Variants in SLC27A2 observed in about 807,000 individuals in gnomAD.
The protein encoded by SLC27A2 is solute carrier family 27 member 2.
In SLC27A2, 54 loss-of-function variants were observed where a neutral mutation model predicts 60.0. That is an observed-to-expected ratio of 0.90 (90% CI 0.72 to 1.13). The LOEUF is 1.13. Among genes scored for constraint, SLC27A2 ranks in the 50% most tolerant of loss-of-function variants. SLC27A2 has a pLI of 0.00. For missense variants in SLC27A2, 739 were observed against 777.6 expected (o/e 0.95, Z 0.59); for synonymous variants, 297 against 297.6 (o/e 1.00, Z 0.02).
chr15:50,194,475 G>T (rs1410109137), intron 1 of SLC27A2, among the ~76,000 whole-genome samples: 1 of 152,132 alleles, frequency 6.6e-6, no homozygotes, highest in Non-Finnish European at 1.5e-5. Flanking sequence ...AAGCACGCAG[G>T]AGTGGGACCG....
At chr15:50,195,576 CTTGT>C (rs770590877) in intron 1 of SLC27A2, among the ~76,000 whole-genome samples, 6 of 152,070 alleles carry the variant, frequency 3.9e-5, no homozygotes, top group Non-Finnish European at 8.8e-5. Context: ...TGGGTGAGGA[CTTGT>C]TTATTTTCAT....
intron 4 of SLC27A2, among the ~76,000 whole-genome samples, chr15:50,219,790 T>C (rs1011726194): frequency 6.6e-6 from 1 of 152,176 alleles, no homozygotes; most frequent in Non-Finnish European, 1.5e-5. Context: ...CCTTCATTCC[T>C]CTCTGGACAT....
intron 1 of SLC27A2, among the ~76,000 whole-genome samples, chr15:50,185,946 AACATTCTGAGGCTGGAC>A (rs1352071077): frequency 3.3e-5 from 5 of 151,860 alleles, no homozygotes; most frequent in African/African-American, 1.2e-4. Context: ...TACTTTTAAA[AACATTCTGAGGCTGGAC>A]ACTATGGCTC....
At chr15:50,204,548 A>C (rs1053006186) in intron 3 of SLC27A2, among the ~76,000 whole-genome samples, 5 of 151,938 alleles carry the variant, frequency 3.3e-5, no homozygotes, top group Non-Finnish European at 1.5e-5. Context: ...CCTGGCTAAC[A>C]CAGTGAAACC....
At chr15:50,208,009 A>C (rs61699649) in intron 4 of SLC27A2, among the ~76,000 whole-genome samples, 2,484 of 151,882 alleles carry the variant, frequency 0.016, 69 homozygotes, top group African/African-American at 0.058. Context: ...GGCCTGGATC[A>C]ATGTAATCAG....
At position 50,218,003 on chromosome 15, in the gene SLC27A2, G is replaced by A. The variant is rs565860147; in HGVS notation, c.973-4962G>A. ...CGGGAGGCAGAGGTTGCATCGAGCC[G>A]AGATTGCACCATTGCACTCCAGCCT... is the stretch of plus-strand genomic sequence containing the variant. On this transcript the variant is annotated intron_variant, in intron 4 of 9. Transcript: ENST00000267842. 8.1e-5 allele frequency among the ~76,000 whole-genome samples: 11 copies of A among 136,076 alleles called. No homozygotes were observed. The South Asian group carries it at 2.3e-3, about 28-fold the overall frequency. 89.3% of individuals were successfully genotyped at this position (136,076 alleles called of 152,430 possible).
At chr15:50,182,939 G>C (rs760842642) in intron 1 of SLC27A2, 34 bp downstream of exon 1, 3 of 1,560,950 alleles carry the variant, frequency 1.9e-6, no homozygotes, top group Non-Finnish European at 2.6e-6. Flanking sequence ...CCTGGCACCA[G>C]GGCTTCTCGG....
At position 50,209,000 on chromosome 15, in the gene SLC27A2, T is replaced by C. The variant is rs551184265; in HGVS notation, c.972+3637T>C. On this transcript the variant is annotated intron_variant, in intron 4 of 9. Coordinates refer to ENST00000267842, the MANE Select transcript of SLC27A2 (RefSeq NM_003645.4). ...CTCCAGTTACAGACTGAAGCTACAG[T>C]CTGTACTGGACAAGGCTCCAGTACA... is the stretch of plus-strand genomic sequence containing the variant. Among the ~76,000 whole-genome samples the C allele has an allele frequency of 3.4e-4, 52 of 152,266 alleles. 1 individual carries two copies. Among genetic ancestry groups the C allele is most frequent in the African/African-American group, 1.3e-3 (52 of 41,548 alleles).
intron 2 of SLC27A2, among the ~76,000 whole-genome samples, chr15:50,200,369 T>C (rs556899585): frequency 2.0e-5 from 3 of 152,012 alleles, no homozygotes; most frequent in Non-Finnish European, 4.4e-5. Context: ...TGGTGAGCCT[T>C]GAACACCACT....
intron 3 of SLC27A2, among the ~76,000 whole-genome samples, chr15:50,204,536 A>G (rs1364142792): frequency 6.6e-6 from 1 of 152,010 alleles, no homozygotes; most frequent in Non-Finnish European, 1.5e-5. Flanking sequence ...GATTGAGACC[A>G]TCCTGGCTAA....
At chr15:50,213,709 G>A (rs962421539) in intron 4 of SLC27A2, among the ~76,000 whole-genome samples, 1 of 152,102 alleles carries the variant, frequency 6.6e-6, no homozygotes, top group Non-Finnish European at 1.5e-5. Flanking sequence ...TCCTGAATGA[G>A]CATTGGGTCA....
chr15:50,182,938 A>G, intron 1 of SLC27A2, 33 bp downstream of exon 1: 3 of 1,562,628 alleles, frequency 1.9e-6, no homozygotes, highest in Non-Finnish European at 2.6e-6. Context: ...CCCTGGCACC[A>G]GGGCTTCTCG....
chr15:50,228,889 T>C (rs891809631), intron 7 of SLC27A2, 56 bp from the exon 8 acceptor site: 31 of 1,214,774 alleles, frequency 2.6e-5, no homozygotes, highest in Non-Finnish European at 3.6e-5. Context: ...TCTCCGACAT[T>C]GCAACCTGGG....
intron 1 of SLC27A2, among the ~76,000 whole-genome samples, chr15:50,183,780 C>G (rs1216817955): frequency 1.3e-5 from 2 of 152,064 alleles, no homozygotes; most frequent in Non-Finnish European, 2.9e-5. Context: ...GGCTGAAAGA[C>G]CTGGGTGACA....
In SLC27A2 at chr15:50,205,357, ACCACAGGTAACACTCCCCCCG is replaced by A. The variant is rs1210561883; in HGVS notation, c.967_972+15del. 1 of 1,603,592 alleles carries A rather than the reference ACCACAGGTAACACTCCCCCCG, an allele frequency of 6.2e-7. No individual in the cohort carries two copies. The highest frequency in any genetic ancestry group is 1.7e-5 in the Admixed American group (1 of 59,448). ...AACTGCTTCGGTATTTATGCAACTC[ACCACAGGTAACACTCCCCCCG>A]TTTTACTATCATTTTGAAATGGGTA... On this transcript the variant is annotated splice_donor_variant and splice_donor_5th_base_variant and coding_sequence_variant and intron_variant, in exon 4 of 10. Coordinates refer to ENST00000267842, the MANE Select transcript of SLC27A2 (RefSeq NM_003645.4). LOFTEE classifies it high-confidence loss of function.
rs28461576 is a variant in SLC27A2 at position 50,204,831 on chromosome 15, A to G, written c.848-408A>G. Among the ~76,000 whole-genome samples, 630 of 146,304 alleles carry G rather than the reference A, an allele frequency of 4.3e-3. 1 individual carries two copies. The highest frequency in any genetic ancestry group is 0.015 in the African/African-American group (592 of 38,694). ...GTGTGTATATATATAATATATATGT[A>G]TGTGTGTGTATATATATGTATGTGT... On this transcript the variant is annotated intron_variant, in intron 3 of 9. Coordinates refer to ENST00000267842, the MANE Select transcript of SLC27A2 (RefSeq NM_003645.4).
In SLC27A2 at chr15:50,182,838, C is replaced by A. The variant is rs1439658472; in HGVS notation, c.411C>A (p.Asn137Lys). 6.2e-7 allele frequency: 1 copy of A among 1,613,294 alleles called. No homozygotes were observed. Among genetic ancestry groups the A allele is most frequent in the African/African-American group, 1.3e-5 (1 of 74,938 alleles). Residue 137 changes from asparagine to lysine, a missense_variant, in exon 1 of 10, where the codon AAC becomes AAA. By Grantham distance (94) the Asn-to-Lys change is moderately conservative. Coordinates refer to ENST00000267842, the MANE Select transcript of SLC27A2 (RefSeq NM_003645.4). ...LGCAMACLNY[N>K]IRAKSLLHCF... ...GTGCCATGGCGTGCCTCAATTACAA[C>A]ATCCGCGCGAAGTCCCTGCTGCACT...
At chr15:50,231,806 AG>A (rs1338486180) in intron 8 of SLC27A2, among the ~76,000 whole-genome samples, 1 of 152,138 alleles carries the variant, frequency 6.6e-6, no homozygotes, top group Non-Finnish European at 1.5e-5. Context: ...GTGCTGCTCC[AG>A]TGATCAGAAC....
chr15:50,230,240 A>C (rs1400056015), intron 8 of SLC27A2, among the ~76,000 whole-genome samples: 3 of 107,422 alleles, frequency 2.8e-5, no homozygotes, highest in African/African-American at 6.9e-5. Flanking sequence ...TCTCACCAAA[A>C]AAAAAAAAAA....
Sources: allele counts gnomAD v4.1 joint callset (sites outside exome capture counted in the v4.1 genomes callset), GRCh38; gene constraint gnomAD v4.1.1; transcripts MANE v1.5; gene names NCBI Gene and HGNC (gene_info 2026-07-23, HGNC 2026-07-21).